Variants in VPS37A observed in about 807,000 individuals in gnomAD.
The protein encoded by VPS37A is VPS37A subunit of ESCRT-I.
In VPS37A, 30 loss-of-function variants were observed where a neutral mutation model predicts 49.8. That is an observed-to-expected ratio of 0.60 (90% CI 0.45 to 0.82). The LOEUF is 0.82. VPS37A is among the 40% of genes least tolerant of loss of function. The pLI is 0.00. For synonymous variants in VPS37A, 195 were observed against 160.6 expected (o/e 1.21, Z -1.62); for missense variants, 593 against 464.4 (o/e 1.28, Z -2.55).
chr8:17,307,895 C>T, the VPS37A span, among the ~76,000 whole-genome samples: 2 of 96,468 alleles, frequency 2.1e-5, no homozygotes, highest in African/African-American at 4.4e-5. Flanking sequence ...TGTGGGGTGG[C>T]GGGAGGGGGG....
At chr8:17,313,153 C>G in the VPS37A span, 1 of 549,924 alleles carries the variant, frequency 1.8e-6, no homozygotes, top group Non-Finnish European at 3.3e-6. Context: ...AGCGCACAGA[C>G]TACGGAGCTC....
At position 17,274,882 on chromosome 8, in the gene VPS37A, C is replaced by T. The variant is rs939634346; in HGVS notation, c.566C>T (p.Ala189Val). 6.2e-7 allele frequency: 1 copy of T among 1,614,028 alleles called. No homozygotes were observed. The highest frequency in any genetic ancestry group is 1.3e-5 in the African/African-American group (1 of 74,924). Residue 189 changes from alanine (A) to valine (V), a missense_variant, in exon 5 of 12, where the codon GCC becomes GTC. Coordinates refer to ENST00000324849, the MANE Select transcript of VPS37A (RefSeq NM_152415.3). ...TCTTCAACAACAAGTCATACCACAGCCAAGCCTGCCGCTCCTTCATTTGGT... is the reference window on the plus strand; with the variant it reads ...TCTTCAACAACAAGTCATACCACAGTCAAGCCTGCCGCTCCTTCATTTGGT... ...VSSSTTSHTTAKPAAPSFGVL... is the reference protein window; with the variant it reads ...VSSSTTSHTTVKPAAPSFGVL...
chr8:17,323,926 A>C, the VPS37A span, among the ~76,000 whole-genome samples: 1 of 152,222 alleles, frequency 6.6e-6, no homozygotes, highest in Non-Finnish European at 1.5e-5. Flanking sequence ...TCTGAAGGTG[A>C]ACATTTTAAA....
chr8:17,263,397 A>T (rs1813145851), intron 1 of VPS37A, among the ~76,000 whole-genome samples: 1 of 152,196 alleles, frequency 6.6e-6, no homozygotes, highest in African/African-American at 2.4e-5. Context: ...TGTTTAATGC[A>T]GCTAATCAAA....
intron 4 of VPS37A, among the ~76,000 whole-genome samples, chr8:17,270,075 C>T (rs1271481991): frequency 6.6e-6 from 1 of 151,980 alleles, no homozygotes. Context: ...TTTAAACAGT[C>T]AGATCTCATG....
chr8:17,288,438 T>C (rs2150419859), intron 11 of VPS37A, among the ~76,000 whole-genome samples: 1 of 152,310 alleles, frequency 6.6e-6, no homozygotes, highest in East Asian at 1.9e-4. Flanking sequence ...TTCTCATTGT[T>C]CAATTCCCAC....
Position 17,268,952 on chromosome 8 carries a change from C to T in VPS37A, c.412C>T (p.Pro138Ser), listed in dbSNP as rs754515995. 4.4e-6 allele frequency: 7 copies of T among 1,592,526 alleles called. No homozygotes were observed. The highest frequency in any genetic ancestry group is 3.4e-5 in the South Asian group (3 of 88,606). The part of the protein sequence containing the change: ...PVLAPTSTAF[P>S]YLYSNPSGMS... The stretch of plus-strand genomic sequence containing the variant: ...TTTAGCTCCTACTTCAACAGCATTT[C>T]CTTAGTAAGTATATTTCTAGTAAAT... Residue 138 changes from proline to serine, a missense_variant, in exon 4 of 12, where the codon CCT becomes TCT. Physicochemically the swap from Pro to Ser is moderately conservative, Grantham distance 74 (BLOSUM62 -1). Coordinates refer to ENST00000324849, the MANE Select transcript of VPS37A (RefSeq NM_152415.3).
Position 17,263,373 on chromosome 8 carries a change from A to G in VPS37A, c.126-2534A>G, listed in dbSNP as rs535509137. On this transcript the variant is annotated intron_variant, in intron 1 of 11. Coordinates refer to ENST00000324849, the MANE Select transcript of VPS37A (RefSeq NM_152415.3). ...TATTCCTGTTTTAATTAAGTAAAAC[A>G]AGTACTTATCTGTTGTTTAATGCAG... Among the ~76,000 whole-genome samples, 5 of 152,312 alleles carry G rather than the reference A, an allele frequency of 3.3e-5. No homozygotes were observed. The East Asian group carries it at 7.7e-4, about 23-fold the overall frequency.
At chr8:17,291,745 TC>T (rs1309969009) in intron 11 of VPS37A, among the ~76,000 whole-genome samples, 1 of 152,148 alleles carries the variant, frequency 6.6e-6, no homozygotes, top group Non-Finnish European at 1.5e-5. Flanking sequence ...CAAGTAGTCA[TC>T]GAGGAGCAGG....
chr8:17,257,906 T>C (rs1389846369), intron 1 of VPS37A, among the ~76,000 whole-genome samples: 1 of 152,206 alleles, frequency 6.6e-6, no homozygotes, highest in Non-Finnish European at 1.5e-5. Flanking sequence ...GTAACTATTG[T>C]AACTAGGATT....
Position 17,295,075 on chromosome 8 carries a change from A to C in VPS37A, c.*89A>C, listed in dbSNP as rs965191493. On this transcript the variant is annotated 3_prime_UTR_variant, in exon 12 of 12. Coordinates refer to ENST00000324849, the MANE Select transcript of VPS37A (RefSeq NM_152415.3). ...TTTATGGTTTGCAAACTGGCATTTC[A>C]TCAGTGGCTAAATTCACAGATATCC... 1 of 152,674 alleles carries C rather than the reference A, an allele frequency of 6.5e-6. No individual in the cohort carries two copies. Among genetic ancestry groups the C allele is most frequent in the African/African-American group, 2.4e-5 (1 of 41,468 alleles). The allele number at this position is 152,674 out of a possible 1,614,324, so 9.5% of individuals were successfully genotyped here.
the VPS37A span, among the ~76,000 whole-genome samples, chr8:17,308,884 A>G: frequency 2.6e-5 from 4 of 152,262 alleles, no homozygotes; most frequent in African/African-American, 9.6e-5. Flanking sequence ...CAAATGCCTT[A>G]GGACTATAGA....
chr8:17,299,632 G>A, downstream of VPS37A: 2 of 553,500 alleles, frequency 3.6e-6, no homozygotes, highest in South Asian at 2.3e-5. Context: ...AGTCTAGGGT[G>A]AGCTTCAAAA....
At chr8:17,294,160 G>C (rs1019759383) in intron 11 of VPS37A, among the ~76,000 whole-genome samples, 2 of 152,230 alleles carry the variant, frequency 1.3e-5, no homozygotes, top group Non-Finnish European at 2.9e-5. Context: ...CCAGAGAGGA[G>C]GAATCTAGAG....
rs544689246 is a variant in VPS37A, at chr8:17,273,290, C to A, written c.417-1443C>A. On this transcript the variant is annotated intron_variant, in intron 4 of 11. Coordinates refer to ENST00000324849, the MANE Select transcript of VPS37A (RefSeq NM_152415.3). ...AAATAATATTTTACCCAAATGTGAG[C>A]TTATTTGTTGGATAAATTCTAGAAG... Among the ~76,000 whole-genome samples, 3 of 151,992 alleles carry A rather than the reference C, an allele frequency of 2.0e-5. No homozygotes were observed. The South Asian group carries it at 6.2e-4, about 31-fold the overall frequency.
At chr8:17,329,867 G>C in the VPS37A span, among the ~76,000 whole-genome samples, 1 of 152,174 alleles carries the variant, frequency 6.6e-6, no homozygotes, top group Non-Finnish European at 1.5e-5. Context: ...GTCAGGTATT[G>C]TCACTGTGAC....
chr8:17,307,589 A>T, the VPS37A span, among the ~76,000 whole-genome samples: 1 of 152,138 alleles, frequency 6.6e-6, no homozygotes, highest in African/African-American at 2.4e-5. Context: ...ATGCACATGA[A>T]TGTTTATAGC....
the VPS37A span, among the ~76,000 whole-genome samples, chr8:17,310,089 C>G: frequency 6.6e-6 from 1 of 152,238 alleles, no homozygotes; most frequent in South Asian, 2.1e-4. Flanking sequence ...CACCCTTGAC[C>G]TCCTGAGCTC....
intron 1 of VPS37A, chr8:17,247,773 A>G (rs1563227104): frequency 1.4e-6 from 1 of 702,592 alleles, no homozygotes; most frequent in Non-Finnish European, 2.6e-6. Context: ...TCCAGGTTTC[A>G]CAAAGAATGG....
Sources: gnomAD v4.1 joint callset for allele counts (sites outside exome capture counted in the v4.1 genomes callset) on GRCh38, gnomAD v4.1.1 for gene constraint, MANE v1.5 for transcripts, NCBI Gene and HGNC (gene_info 2026-07-23, HGNC 2026-07-21) for gene names.